Variants in LRRC37A2 observed in about 807,000 individuals in gnomAD.
LRRC37A2 encodes leucine rich repeat containing 37 member A2.
LRRC37A2 carries 9 observed loss-of-function variants against 68.8 expected under a neutral mutation model. That is an observed-to-expected ratio of 0.13 (90% confidence interval 0.08 to 0.23). The LOEUF is 0.23. LRRC37A2 is among the 10% of genes least tolerant of loss of function. The pLI, the probability that LRRC37A2 is intolerant of heterozygous loss-of-function variation, is 1.00. For synonymous variants in LRRC37A2, 63 were observed against 367.6 expected (o/e 0.17, Z 9.48); for missense variants, 168 against 950.4 (o/e 0.18, Z 10.82).
chr17:46,408,522 T>G, the LRRC37A2 span, among the ~76,000 whole-genome samples: 1 of 70,714 alleles, frequency 1.4e-5, no homozygotes, highest in East Asian at 2.3e-4. Flanking sequence ...TTTTGGGAAT[T>G]TTTTAAATCT....
At chr17:46,779,105 C>CACACACACACACACA in the LRRC37A2 span, among the ~76,000 whole-genome samples, 2 of 35,396 alleles carry the variant, frequency 5.7e-5, no homozygotes, top group Non-Finnish European at 6.7e-5. Flanking sequence ...ACACACACAC[C>CACACACACACACACA]CCAGCCCACT....
chr17:46,768,223 A>G, the LRRC37A2 span: 10 of 1,571,976 alleles, frequency 6.4e-6, no homozygotes, highest in Non-Finnish European at 7.8e-6. The surrounding 1 kb of genome is among the most constrained non-coding windows in gnomAD (Gnocchi z 5.0). Context: ...TTAGAAACAG[A>G]AGGGGGTCGT....
chr17:46,922,825 G>T, the LRRC37A2 span: 2 of 292,476 alleles, frequency 6.8e-6, no homozygotes, highest in African/African-American at 4.4e-5. Flanking sequence ...AGTCCTCTCT[G>T]CGGCAGAGAA....
chr17:46,934,162 T>G, the LRRC37A2 span, among the ~76,000 whole-genome samples: 5 of 144,310 alleles, frequency 3.5e-5, no homozygotes, highest in African/African-American at 5.7e-5. Flanking sequence ...CATTCCCAGC[T>G]CCACTGGACT....
At chr17:46,712,589 G>A in the LRRC37A2 span, among the ~76,000 whole-genome samples, 2 of 152,196 alleles carry the variant, frequency 1.3e-5, no homozygotes, top group South Asian at 2.1e-4. Context: ...GAAGTAAATC[G>A]GAAATGTTGA....
At chr17:46,983,295 T>C in the LRRC37A2 span, among the ~76,000 whole-genome samples, 244 of 134,136 alleles carry the variant, frequency 1.8e-3, no homozygotes, top group African/African-American at 5.3e-3. Flanking sequence ...TCTTCTTTTT[T>C]TTTTTTTTTT....
the LRRC37A2 span, chr17:46,693,773 A>AT: frequency 1.8e-4 from 31 of 168,696 alleles, no homozygotes; most frequent in Non-Finnish European, 3.0e-4. Context: ...CTATTCTTAC[A>AT]TATACTAAAA....
the LRRC37A2 span, among the ~76,000 whole-genome samples, chr17:46,956,117 C>T: frequency 6.6e-6 from 1 of 151,982 alleles, no homozygotes; most frequent in African/African-American, 2.4e-5. Flanking sequence ...GCAGGAGGGT[C>T]CATCTTAACC....
At chr17:46,858,550 T>A in the LRRC37A2 span, among the ~76,000 whole-genome samples, 1 of 152,212 alleles carries the variant, frequency 6.6e-6, no homozygotes, top group Non-Finnish European at 1.5e-5. Flanking sequence ...CTTCTGCTGC[T>A]TTTGAGTAAG....
chr17:47,006,010 T>C, the LRRC37A2 span, among the ~76,000 whole-genome samples: 1 of 152,186 alleles, frequency 6.6e-6, no homozygotes, highest in African/African-American at 2.4e-5. Flanking sequence ...CTGTCTCTAC[T>C]AAAAATACAA....
chr17:46,763,518 G>A, the LRRC37A2 span: 1 of 152,312 alleles, frequency 6.6e-6, no homozygotes, highest in South Asian at 2.1e-4. Flanking sequence ...GAGAGGAAAG[G>A]ACACAGTAAG....
the LRRC37A2 span, among the ~76,000 whole-genome samples, chr17:46,947,477 G>A: frequency 6.6e-6 from 1 of 152,196 alleles, no homozygotes; most frequent in Non-Finnish European, 1.5e-5. Context: ...AGATACTGAT[G>A]AGAGCTGGAG....
the LRRC37A2 span, among the ~76,000 whole-genome samples, chr17:46,904,429 G>T: frequency 1.4e-5 from 2 of 146,640 alleles, no homozygotes; most frequent in Non-Finnish European, 3.0e-5. Context: ...TGCGTGGGTG[G>T]CTGGGTGGCT....
At chr17:47,046,236 C>T in the LRRC37A2 span, among the ~76,000 whole-genome samples, 5 of 132,498 alleles carry the variant, frequency 3.8e-5, no homozygotes, top group East Asian at 2.2e-4. Context: ...CCCAGCTACT[C>T]GGGGGACTGA....
chr17:46,635,777 A>ATG, the LRRC37A2 span, among the ~76,000 whole-genome samples: 4,700 of 116,738 alleles, frequency 0.04, 338 homozygotes, highest in African/African-American at 0.078. Context: ...GGGAAAATAA[A>ATG]TGTGTGTGTG....
chr17:46,891,323 C>G, the LRRC37A2 span, among the ~76,000 whole-genome samples: 1 of 152,200 alleles, frequency 6.6e-6, no homozygotes, highest in African/African-American at 2.4e-5. Flanking sequence ...TATCATCCCT[C>G]TTTTGCAGAT....
the LRRC37A2 span, among the ~76,000 whole-genome samples, chr17:46,924,910 T>C: frequency 6.8e-4 from 104 of 152,340 alleles, no homozygotes; most frequent in African/African-American, 2.4e-3. Flanking sequence ...GTTAATTTAG[T>C]TAAAGGATGT....
chr17:46,869,430 G>A, the LRRC37A2 span, among the ~76,000 whole-genome samples: 1 of 152,194 alleles, frequency 6.6e-6, no homozygotes, highest in Non-Finnish European at 1.5e-5. Context: ...TGGTTGGAGT[G>A]GAGCCGTTCT....
chr17:46,991,027 T>C, the LRRC37A2 span, among the ~76,000 whole-genome samples: 9 of 152,192 alleles, frequency 5.9e-5, no homozygotes, highest in African/African-American at 2.2e-4. Flanking sequence ...CTTCCAGGAA[T>C]TTATCCCATT....
Sources: gnomAD v4.1 joint callset for allele counts (sites outside exome capture counted in the v4.1 genomes callset) on GRCh38, gnomAD v4.1.1 for gene constraint, Gnocchi (gnomAD v3.1) non-coding constraint, MANE v1.5 for transcripts, NCBI Gene and HGNC (gene_info 2026-07-23, HGNC 2026-07-21) for gene names.